ADGRL3: variants seen among roughly 807,000 people sequenced by gnomAD.
The protein encoded by ADGRL3 is adhesion G protein-coupled receptor L3.
A neutral mutation model predicts 153.5 loss-of-function variants in ADGRL3; 62 were observed. The ratio of observed to expected loss-of-function variants is 0.40; its 90% CI spans 0.33 to 0.50. The LOEUF (loss-of-function observed/expected upper bound fraction) is 0.50. Ranked by LOEUF, ADGRL3 falls within the 20% of genes least tolerant of loss-of-function variation. The pLI is 0.47. For synonymous variants in ADGRL3, 710 were observed against 672.5 expected, an observed-to-expected ratio of 1.06 and a Z score of -0.86; for missense variants, 1,641 against 1,859.4, an observed-to-expected ratio of 0.88 and a Z score of 2.16.
At chr4:61,741,345 T>G (rs2096578825) in intron 8 of ADGRL3, among the ~76,000 whole-genome samples, 1 of 152,244 alleles carries the variant, frequency 6.6e-6, no homozygotes, top group Non-Finnish European at 1.5e-5. Flanking sequence ...TACATCTATC[T>G]TAGTAGCTGA....
At chr4:62,062,240 C>T (rs1425836856) in intron 25 of ADGRL3, among the ~76,000 whole-genome samples, 1 of 151,888 alleles carries the variant, frequency 6.6e-6, no homozygotes, top group Admixed American at 6.6e-5. Flanking sequence ...CTTGTATATC[C>T]TCTTCCATGA....
intron 9 of ADGRL3, among the ~76,000 whole-genome samples, chr4:61,854,645 A>T (rs973399400): frequency 2.6e-5 from 4 of 152,228 alleles, no homozygotes; most frequent in Non-Finnish European, 2.9e-5. Flanking sequence ...CTTCTTCCTT[A>T]ATGAGATGGA....
chr4:61,397,543 C>T (rs886606816), intron 2 of ADGRL3, among the ~76,000 whole-genome samples: 58 of 152,028 alleles, frequency 3.8e-4, no homozygotes, highest in African/African-American at 1.3e-3. Context: ...TTTTAGCTCT[C>T]AATTCCTGGT....
At chr4:62,005,744 G>A (rs2099155052) in intron 21 of ADGRL3, among the ~76,000 whole-genome samples, 1 of 151,638 alleles carries the variant, frequency 6.6e-6, no homozygotes, top group East Asian at 1.9e-4. Flanking sequence ...GATTTCATAA[G>A]AGTAGAATAA....
chr4:61,242,427 T>C (rs1755355577), intron 1 of ADGRL3, among the ~76,000 whole-genome samples: 1 of 152,058 alleles, frequency 6.6e-6, no homozygotes, highest in South Asian at 2.1e-4. Flanking sequence ...GGAAGCCTGT[T>C]AGCTGTTTGA....
At chr4:62,046,259 A>G (rs2151702104) in intron 25 of ADGRL3, among the ~76,000 whole-genome samples, 1 of 152,092 alleles carries the variant, frequency 6.6e-6, no homozygotes, top group Admixed American at 6.6e-5. Flanking sequence ...AATTGTATGT[A>G]TATTAGGATA....
rs78881026 is a variant in ADGRL3, at chr4:61,560,823, A to G, written c.260-26404A>G. 6.3e-3 allele frequency among the ~76,000 whole-genome samples: 957 copies of G among 152,274 alleles called. 14 individuals carry two copies. Among genetic ancestry groups the G allele is most frequent in the African/African-American group, 0.022 (907 of 41,552 alleles). On this transcript the variant is annotated intron_variant, in intron 4 of 26. Coordinates refer to ENST00000683033, the MANE Select transcript of ADGRL3 (RefSeq NM_001387552.1). The stretch of plus-strand genomic sequence containing the variant: ...ATGTCAATAAACCAGTGGGAAAGAG[A>G]TAAACCTATCAGTTCTCCAATCATA...
At chr4:61,497,960 T>C (rs1426876415) in intron 3 of ADGRL3, among the ~76,000 whole-genome samples, 1 of 152,200 alleles carries the variant, frequency 6.6e-6, no homozygotes, top group Non-Finnish European at 1.5e-5. Flanking sequence ...ACTACACTTT[T>C]GGAAAATCAG....
intron 4 of ADGRL3, among the ~76,000 whole-genome samples, chr4:61,525,120 G>A (rs914560834): frequency 2.8e-4 from 40 of 143,884 alleles, no homozygotes; most frequent in African/African-American, 1.0e-3. Flanking sequence ...GGTGGAATAC[G>A]GTGTCAGTTA....
intron 1 of ADGRL3, among the ~76,000 whole-genome samples, chr4:61,331,255 T>C (rs915931335): frequency 6.6e-6 from 1 of 152,206 alleles, no homozygotes; most frequent in Non-Finnish European, 1.5e-5. Flanking sequence ...GTACACGTTG[T>C]AAATTTTAAC....
Position 61,648,349 on chromosome 4 carries a change from C to CTTTTTTTT in ADGRL3, c.474-28463_474-28456dup, listed in dbSNP as rs34166403. ...TTTAAGAGTTAGGAAATGAAATCGG[C>CTTTTTTTT]TTTTTTTTTTTTTTTTTTTTTAATT... On this transcript the variant is annotated intron_variant, in intron 5 of 26. Coordinates refer to ENST00000683033, the MANE Select transcript of ADGRL3 (RefSeq NM_001387552.1). 3.5e-3 allele frequency among the ~76,000 whole-genome samples: 344 copies of CTTTTTTTT among 99,334 alleles called. 1 individual carries two copies. The highest frequency in any genetic ancestry group is 5.4e-3 in the Non-Finnish European group (276 of 51,358). The allele number at this position is 99,334 out of a possible 152,430, so 65.2% of individuals were successfully genotyped here. A position where few individuals can be genotyped will look rare whatever the true frequency, so the allele number is the denominator to read the frequency against.
At chr4:61,365,253 A>C (rs955376802) in intron 1 of ADGRL3, among the ~76,000 whole-genome samples, 3 of 17,782 alleles carry the variant, frequency 1.7e-4, no homozygotes, top group Admixed American at 9.5e-4. Flanking sequence ...AAAAATTACA[A>C]AAAAAAAAAA....
Position 61,380,157 on chromosome 4 carries a change from GTATGTA to G in ADGRL3, c.-239-2952_-239-2947del, listed in dbSNP as rs922656634. ...ATTTTATAAATATGTAAAAATGTGTGTATGTATATGTATATGTATAGACACAGACTC... is the reference window on the plus strand; with the variant it reads ...ATTTTATAAATATGTAAAAATGTGTGTATGTATATGTATAGACACAGACTC... On this transcript the variant is annotated intron_variant, in intron 1 of 26. Coordinates refer to ENST00000683033, the MANE Select transcript of ADGRL3 (RefSeq NM_001387552.1). Among the ~76,000 whole-genome samples, 48 of 152,036 alleles carry G rather than the reference GTATGTA, an allele frequency of 3.2e-4. No homozygotes were observed. The East Asian group carries it at 4.1e-3, about 13-fold the overall frequency.
chr4:61,781,742 C>G (rs1249599365), intron 8 of ADGRL3, among the ~76,000 whole-genome samples: 1 of 152,100 alleles, frequency 6.6e-6, no homozygotes, highest in Non-Finnish European at 1.5e-5. Flanking sequence ...AAAGTTTACA[C>G]AAGCCTTGGG....
intron 8 of ADGRL3, among the ~76,000 whole-genome samples, chr4:61,752,212 G>T (rs1422072888): frequency 1.3e-5 from 2 of 152,108 alleles, no homozygotes; most frequent in East Asian, 1.9e-4. Context: ...ATAAAGAATA[G>T]AAATTTTTGC....
chr4:62,040,800 A>G (rs190506932), intron 24 of ADGRL3, among the ~76,000 whole-genome samples: 48 of 152,274 alleles, frequency 3.2e-4, no homozygotes, highest in African/African-American at 2.4e-5. Context: ...GATGATGTCA[A>G]TTAGCCAGGT....
At chr4:61,595,356 A>G (rs1355786634) in intron 5 of ADGRL3, among the ~76,000 whole-genome samples, 15 of 152,108 alleles carry the variant, frequency 9.9e-5, no homozygotes, top group Admixed American at 9.8e-4. Flanking sequence ...TCAGGGCCCA[A>G]GCGTTCTTTA....
Position 61,963,871 on chromosome 4 carries a change from T to C in ADGRL3, c.2805+15595T>C, listed in dbSNP as rs1341361467. Among the ~76,000 whole-genome samples the C allele has an allele frequency of 2.0e-5, 3 of 152,172 alleles. No homozygotes were observed. In the East Asian group the frequency reaches 5.8e-4, roughly 29 times the overall value. The stretch of plus-strand genomic sequence containing the variant: ...TGCAATTCTAGTGAGAAACGTTTTG[T>C]AAGAAAAAAAGTAATCAAGTACATA... On this transcript the variant is annotated intron_variant, in intron 17 of 26. Coordinates refer to ENST00000683033, the MANE Select transcript of ADGRL3 (RefSeq NM_001387552.1).
intron 4 of ADGRL3, among the ~76,000 whole-genome samples, chr4:61,539,959 G>T (rs934130877): frequency 1.3e-5 from 2 of 151,966 alleles, no homozygotes; most frequent in African/African-American, 4.8e-5. Flanking sequence ...TTCAAATCCT[G>T]ACCATTCACC....
Sources: allele counts gnomAD v4.1 joint callset (sites outside exome capture counted in the v4.1 genomes callset), GRCh38; gene constraint gnomAD v4.1.1; transcripts MANE v1.5; gene names NCBI Gene and HGNC (gene_info 2026-07-23, HGNC 2026-07-21).